SUGCT: variants seen among roughly 807,000 people sequenced by gnomAD.
The protein encoded by SUGCT is succinyl-CoA:glutarate CoA-transferase.
A neutral mutation model predicts 55.0 loss-of-function variants in SUGCT; 41 were observed. The observed-to-expected ratio is 0.74, with a 90% confidence interval of 0.58 to 0.97. The LOEUF is 0.97. Among genes scored for constraint, SUGCT ranks in the 50% least tolerant of loss-of-function variants. The pLI, the probability that SUGCT is intolerant of heterozygous loss-of-function variation, is 0.00. For synonymous variants in SUGCT, 187 were observed against 200.4 expected, an observed-to-expected ratio of 0.93 and a Z score of 0.56; for missense variants, 568 against 547.8, an observed-to-expected ratio of 1.04 and a Z score of -0.37.
In SUGCT at chr7:40,359,506, G is replaced by C. The variant is rs576089912; in HGVS notation, c.816+42651G>C. ...AGGCGTGAGCCACTGTGCCTGGCCT[G>C]TTCTGTCATTTAGTACAGTAAGACT... On this transcript the variant is annotated intron_variant, in intron 9 of 13. Coordinates refer to ENST00000335693, the MANE Select transcript of SUGCT (RefSeq NM_001193313.2). Among the ~76,000 whole-genome samples, 134 of 152,064 alleles carry C rather than the reference G, an allele frequency of 8.8e-4. 1 individual carries two copies. Among genetic ancestry groups the C allele is most frequent in the Middle Eastern group, 3.4e-3 (1 of 294 alleles).
At chr7:40,246,236 A>G (rs1204250084) in intron 7 of SUGCT, among the ~76,000 whole-genome samples, 3 of 147,240 alleles carry the variant, frequency 2.0e-5, no homozygotes, top group African/African-American at 7.4e-5. Context: ...TTTAAGTAGA[A>G]CCATATAGCA....
At position 40,645,508 on chromosome 7, in the gene SUGCT, G is replaced by A. The variant is rs75466335; in HGVS notation, c.1090-103926G>A. On this transcript the variant is annotated intron_variant, in intron 12 of 13. Transcript: ENST00000335693. ...CAATTGCTTGCAAAGAAGGCCATCT[G>A]TTCCAACATTTTTCCTACCCTACTT... Among the ~76,000 whole-genome samples, 1,448 of 152,286 alleles carry A rather than the reference G, an allele frequency of 9.5e-3. 16 individuals carry two copies. Among genetic ancestry groups the A allele is most frequent in the East Asian group, 0.031 (158 of 5,172 alleles).
At chr7:40,328,831 C>G (rs1584693585) in intron 9 of SUGCT, among the ~76,000 whole-genome samples, 1 of 151,986 alleles carries the variant, frequency 6.6e-6, no homozygotes, top group African/African-American at 2.4e-5. Context: ...TCATTGTTGT[C>G]GTTCCTAGAA....
intron 9 of SUGCT, among the ~76,000 whole-genome samples, chr7:40,366,599 G>A (rs577850179): frequency 2.6e-5 from 4 of 152,220 alleles, no homozygotes; most frequent in Admixed American, 2.0e-4. Context: ...CAAAAAGTGG[G>A]CGAAGGATAT....
At chr7:40,555,181 A>G (rs534272966) in intron 12 of SUGCT, among the ~76,000 whole-genome samples, 1 of 151,990 alleles carries the variant, frequency 6.6e-6, no homozygotes, top group East Asian at 1.9e-4. Context: ...GAGCTGGACC[A>G]GTTCCCAAAG....
chr7:40,845,310 A>G (rs2128793569), intron 13 of SUGCT, among the ~76,000 whole-genome samples: 1 of 152,280 alleles, frequency 6.6e-6, no homozygotes, highest in South Asian at 2.1e-4. Context: ...AGTTAGCCTA[A>G]ACAGAGCTTT....
At chr7:40,205,172 T>C (rs532277574) in intron 6 of SUGCT, among the ~76,000 whole-genome samples, 1 of 150,650 alleles carries the variant, frequency 6.6e-6, no homozygotes, top group East Asian at 2.0e-4. Context: ...GGAGAATCGC[T>C]TGAACCCAGG....
At chr7:40,704,900 G>A (rs150218028) in intron 12 of SUGCT, among the ~76,000 whole-genome samples, 12 of 152,280 alleles carry the variant, frequency 7.9e-5, no homozygotes, top group African/African-American at 2.6e-4. Flanking sequence ...CTATGAAGTA[G>A]TGGAGTCATG....
At chr7:40,999,138 C>A in the SUGCT span, among the ~76,000 whole-genome samples, 1 of 151,852 alleles carries the variant, frequency 6.6e-6, no homozygotes, top group Non-Finnish European at 1.5e-5. Context: ...GCCTGGAGAT[C>A]GATCTTCATA....
intron 13 of SUGCT, among the ~76,000 whole-genome samples, chr7:40,852,121 C>A (rs1331666365): frequency 6.6e-6 from 1 of 152,162 alleles, no homozygotes; most frequent in African/African-American, 2.4e-5. Flanking sequence ...TCAAACTTGG[C>A]GTGTCCAAAA....
chr7:40,349,933 C>T (rs1346401419), intron 9 of SUGCT, among the ~76,000 whole-genome samples: 1 of 152,204 alleles, frequency 6.6e-6, no homozygotes, highest in African/African-American at 2.4e-5. Context: ...AACAATCCTC[C>T]TGCCTCGGCT....
Position 40,289,533 on chromosome 7 carries a change from C to A in SUGCT, c.720+14877C>A, listed in dbSNP as rs1204997870. Among the ~76,000 whole-genome samples, 3 of 152,032 alleles carry A rather than the reference C, an allele frequency of 2.0e-5. No individual in the cohort carries two copies. The East Asian group carries it at 5.8e-4, about 29-fold the overall frequency. On this transcript the variant is annotated intron_variant, in intron 8 of 13. Transcript: ENST00000335693. ...AATAATAAGAGCTATCTATGACAAA[C>A]CCACAGCCAATATCATACTGAATGG...
At chr7:40,566,024 C>T (rs899953786) in intron 12 of SUGCT, among the ~76,000 whole-genome samples, 16 of 143,584 alleles carry the variant, frequency 1.1e-4, no homozygotes, top group African/African-American at 2.8e-4. Context: ...CACACACACA[C>T]GAATATAAGC....
At chr7:40,811,235 T>C (rs1791396236) in intron 13 of SUGCT, among the ~76,000 whole-genome samples, 1 of 152,168 alleles carries the variant, frequency 6.6e-6, no homozygotes. Flanking sequence ...TTGGCTTACT[T>C]TGGCTATTTG....
At chr7:40,722,018 A>T (rs1234941995) in intron 12 of SUGCT, among the ~76,000 whole-genome samples, 5 of 152,104 alleles carry the variant, frequency 3.3e-5, no homozygotes, top group Admixed American at 3.3e-4. Flanking sequence ...AAGAAAACCT[A>T]TCCATTTAAA....
chr7:40,860,226 C>A, intron 13 of SUGCT, 90 bp from the exon 14 acceptor site: 1 of 1,488,990 alleles, frequency 6.7e-7, no homozygotes, highest in South Asian at 1.2e-5. Context: ...ATATTTTTGG[C>A]ATTCATGGAA....
At chr7:40,294,511 T>G in intron 8 of SUGCT, among the ~76,000 whole-genome samples, 1 of 152,168 alleles carries the variant, frequency 6.6e-6, no homozygotes, top group East Asian at 1.9e-4. Context: ...GTCTTTTAAA[T>G]CATATTCACT....
chr7:40,231,797 C>A (rs530945556), intron 6 of SUGCT, among the ~76,000 whole-genome samples: 1 of 152,242 alleles, frequency 6.6e-6, no homozygotes, highest in South Asian at 2.1e-4. Flanking sequence ...ACTGATTTAC[C>A]TTTTCAAAAG....
the SUGCT span, among the ~76,000 whole-genome samples, chr7:40,984,037 G>T: frequency 1.1e-4 from 17 of 152,206 alleles, no homozygotes; most frequent in African/African-American, 3.6e-4. Context: ...GTAGGGCCAC[G>T]TTACTTCCAG....
Sources: allele counts gnomAD v4.1 joint callset (sites outside exome capture counted in the v4.1 genomes callset), GRCh38; gene constraint gnomAD v4.1.1; transcripts MANE v1.5; gene names NCBI Gene and HGNC (gene_info 2026-07-23, HGNC 2026-07-21).